TNFSF4: variants seen among roughly 807,000 people sequenced by gnomAD.
TNFSF4 encodes the protein tumor necrosis factor ligand superfamily member 4.
TNFSF4 carries 4 observed loss-of-function variants against 7.3 expected under a neutral mutation model. The observed-to-expected ratio is 0.55, with a 90% CI of 0.27 to 1.25. The LOEUF is 1.25. TNFSF4 is among the 50% of genes most tolerant of loss of function. The pLI, the probability that TNFSF4 is intolerant of heterozygous loss-of-function variation, is 0.12. For missense variants in TNFSF4, 181 were observed against 208.8 expected, an observed-to-expected ratio of 0.87 and a Z score of 0.82; for synonymous variants, 76 against 83.7, an observed-to-expected ratio of 0.91 and a Z score of 0.50.
chr1:173,187,007 C>T (rs910384661), intron 2 of TNFSF4, 142 bp from the exon 3 acceptor site: 3 of 598,946 alleles, frequency 5.0e-6, no homozygotes, highest in Non-Finnish European at 5.8e-6. Context: ...GCCAAGATCC[C>T]GCCACTGCAC....
chr1:173,415,296 CT>C, the TNFSF4 span, among the ~76,000 whole-genome samples: 1 of 152,228 alleles, frequency 6.6e-6, no homozygotes, highest in African/African-American at 2.4e-5. Context: ...AGCTGGTGCA[CT>C]GTCAAGAGGC....
At chr1:173,394,419 T>C in the TNFSF4 span, among the ~76,000 whole-genome samples, 1 of 152,160 alleles carries the variant, frequency 6.6e-6, no homozygotes, top group Non-Finnish European at 1.5e-5. Context: ...CCAGATACTT[T>C]ACTGTGATTG....
the TNFSF4 span, among the ~76,000 whole-genome samples, chr1:173,333,228 G>T: frequency 7.9e-5 from 12 of 152,104 alleles, no homozygotes; most frequent in African/African-American, 2.9e-4. Context: ...GTCTGTGAGG[G>T]TGTTTCTGGA....
chr1:173,313,736 T>C, the TNFSF4 span, among the ~76,000 whole-genome samples: 1 of 152,100 alleles, frequency 6.6e-6, no homozygotes, highest in African/African-American at 2.4e-5. Flanking sequence ...TCATGGAAAG[T>C]GTATCTTCTC....
the TNFSF4 span, among the ~76,000 whole-genome samples, chr1:173,366,956 C>T: frequency 2.0e-5 from 3 of 152,150 alleles, no homozygotes; most frequent in Non-Finnish European, 4.4e-5. Flanking sequence ...TCTGGGCCCT[C>T]GCTTTACAGG....
At chr1:173,205,394 T>A (rs2102002440) in intron 1 of TNFSF4, 1 of 1,608,198 alleles carries the variant, frequency 6.2e-7, no homozygotes, top group African/African-American at 1.3e-5. Flanking sequence ...GGATGACTTG[T>A]TGGAAAGGAT....
chr1:173,266,656 C>T, the TNFSF4 span, among the ~76,000 whole-genome samples: 1 of 152,116 alleles, frequency 6.6e-6, no homozygotes, highest in Non-Finnish European at 1.5e-5. Flanking sequence ...AGTGTATGTG[C>T]CTTTCTCCCT....
At chr1:173,206,728 C>G (rs1650208638) in intron 1 of TNFSF4, among the ~76,000 whole-genome samples, 1 of 152,114 alleles carries the variant, frequency 6.6e-6, no homozygotes, top group Non-Finnish European at 1.5e-5. Context: ...CTCAAAGCTT[C>G]AAAGTGACAG....
the TNFSF4 span, among the ~76,000 whole-genome samples, chr1:173,420,768 AT>A: frequency 6.6e-6 from 1 of 152,246 alleles, no homozygotes; most frequent in Admixed American, 6.5e-5. Context: ...ATGTAATTAC[AT>A]AACTAATTTA....
chr1:173,192,296 CA>C (rs1489297334), intron 1 of TNFSF4, among the ~76,000 whole-genome samples: 30 of 152,266 alleles, frequency 2.0e-4, no homozygotes, highest in African/African-American at 7.0e-4. Context: ...TCATAATTGT[CA>C]AAACTTGGAA....
chr1:173,285,665 C>T, the TNFSF4 span, among the ~76,000 whole-genome samples: 5,894 of 152,270 alleles, frequency 0.039, 159 homozygotes, highest in East Asian at 0.13. Context: ...AGGCAAGTTT[C>T]TCTACCAGCA....
the TNFSF4 span, among the ~76,000 whole-genome samples, chr1:173,217,900 A>C: frequency 2.6e-5 from 4 of 151,938 alleles, no homozygotes; most frequent in Admixed American, 1.3e-4. Context: ...GGAACGTGCC[A>C]CCATGTACAG....
chr1:173,256,430 T>C, the TNFSF4 span, among the ~76,000 whole-genome samples: 1 of 152,234 alleles, frequency 6.6e-6, no homozygotes, highest in Non-Finnish European at 1.5e-5. Flanking sequence ...AGAGCACTGA[T>C]TTCTCATGAA....
chr1:173,254,789 G>T, the TNFSF4 span, among the ~76,000 whole-genome samples: 3 of 152,026 alleles, frequency 2.0e-5, no homozygotes, highest in Non-Finnish European at 4.4e-5. Flanking sequence ...AAATAAGATT[G>T]ACAAAATTAA....
At chr1:173,413,537 C>A in the TNFSF4 span, among the ~76,000 whole-genome samples, 1 of 152,288 alleles carries the variant, frequency 6.6e-6, no homozygotes, top group South Asian at 2.1e-4. Context: ...ATCACAGAGA[C>A]CACAGGGCAC....
intron 2 of TNFSF4, among the ~76,000 whole-genome samples, chr1:173,187,338 G>T (rs916139711): frequency 1.3e-5 from 2 of 152,210 alleles, no homozygotes; most frequent in African/African-American, 4.8e-5. Context: ...TATGGGCAAA[G>T]GGTGGCAGTG....
the TNFSF4 span, among the ~76,000 whole-genome samples, chr1:173,248,882 A>G: frequency 1.3e-5 from 2 of 152,180 alleles, no homozygotes; most frequent in Admixed American, 1.3e-4. Context: ...CTACTTGATT[A>G]TTTTTTATTT....
chr1:173,280,824 T>C, the TNFSF4 span, among the ~76,000 whole-genome samples: 1 of 152,156 alleles, frequency 6.6e-6, no homozygotes, highest in African/African-American at 2.4e-5. Flanking sequence ...GAGTCAGAAG[T>C]TTAAAGATTA....
chr1:173,433,478 T>G, the TNFSF4 span, among the ~76,000 whole-genome samples: 1 of 151,858 alleles, frequency 6.6e-6, no homozygotes, highest in Non-Finnish European at 1.5e-5. Flanking sequence ...GTGGAACTCT[T>G]GAGTCCAGGA....
Sources: allele counts gnomAD v4.1 joint callset (sites outside exome capture counted in the v4.1 genomes callset), GRCh38; gene constraint gnomAD v4.1.1; transcripts MANE v1.5; gene names NCBI Gene and HGNC (gene_info 2026-07-23, HGNC 2026-07-21).